The following CFAP97D2 variants were observed in gnomAD, a reference collection of about 807,000 sequenced individuals.
The protein encoded by CFAP97D2 is CFAP97 domain containing 2.
rs555380134 is a variant in CFAP97D2 at position 114,182,450 on chromosome 13, C to A, written c.90+3030C>A. ...CTTCCTCTATCTCAACTGCAAGAGG[C>A]CTTCCTCTTTTACTAATCCACCTCA... On this transcript the variant is annotated intron_variant, in intron 1 of 4. Transcript: ENST00000646158. 3.7e-3 allele frequency among the ~76,000 whole-genome samples: 567 copies of A among 151,994 alleles called. 6 individuals are homozygous for A. Among genetic ancestry groups the A allele is most frequent in the African/African-American group, 0.013 (525 of 41,402 alleles).
chr13:114,214,248 A>G (rs2080983912), intron 4 of CFAP97D2: 1 of 133,428 alleles, frequency 7.5e-6, no homozygotes, highest in Non-Finnish European at 1.5e-5. Context: ...TGCTTGCTGG[A>G]CATCTCTTAT....
chr13:114,209,566 T>TGGTCTAGAGGAAGGAA (rs1383979378), intron 3 of CFAP97D2, among the ~76,000 whole-genome samples: 12 of 152,222 alleles, frequency 7.9e-5, no homozygotes, highest in Admixed American at 1.3e-4. Flanking sequence ...AAGGTCCTGA[T>TGGTCTAGAGGAAGGAA]GGTCTAGAGG....
rs1294324916 is a variant in CFAP97D2 at position 114,217,170 on chromosome 13, G to C, written c.480+5069G>C. 2.6e-5 allele frequency among the ~76,000 whole-genome samples: 4 copies of C among 152,156 alleles called. No individual in the cohort carries two copies. In the East Asian group the frequency reaches 7.7e-4, roughly 29 times the overall value. On this transcript the variant is annotated intron_variant, in intron 4 of 4. Transcript: ENST00000646158. The stretch of plus-strand genomic sequence containing the variant: ...GAATAAAAGAGAGAAGAATCAAATA[G>C]ATGCAATAAAAAATGATAAAGGGGA...
Position 114,207,814 on chromosome 13 carries a change from C to A in CFAP97D2, c.291-4098C>A, listed in dbSNP as rs958574. On this transcript the variant is annotated intron_variant, in intron 3 of 4. Coordinates refer to ENST00000646158, the Ensembl canonical transcript of CFAP97D2. The surrounding 1 kb of genome is among the most constrained non-coding windows in gnomAD (Gnocchi z 4.9). ...GCCAACTAGACTTTGTCACCACCAC[C>A]ATTTTTTTCCCTAGAGAGGCTATGT... Among the ~76,000 whole-genome samples the A allele has an allele frequency of 0.21, 32,380 of 152,126 alleles. 4,396 individuals carry two copies. The highest frequency in any genetic ancestry group is 0.45 in the East Asian group (2,310 of 5,174).
At chr13:114,221,588 G>A (rs1214394372) in intron 4 of CFAP97D2, among the ~76,000 whole-genome samples, 1 of 152,204 alleles carries the variant, frequency 6.6e-6, no homozygotes, top group Non-Finnish European at 1.5e-5. Flanking sequence ...TCAAAAGGTA[G>A]ATTACAATAA....
At chr13:114,221,617 A>G (rs1594524764) in intron 4 of CFAP97D2, among the ~76,000 whole-genome samples, 2 of 152,166 alleles carry the variant, frequency 1.3e-5, no homozygotes, top group Admixed American at 1.3e-4. Flanking sequence ...AGAAACTGGA[A>G]CCCTCATAGG....
chr13:114,211,347 G>T lies in CFAP97D2; in HGVS notation c.291-565G>T, dbSNP rs1470366527. On this transcript the variant is annotated intron_variant, in intron 3 of 4. Transcript: ENST00000646158. This position sits in a 1 kb window ranked among gnomAD's most constrained non-coding sequence, Gnocchi z 4.2. ...CAGTCCAGCCCCAGCCTGTCCACAG[G>T]GGTCTTTCTCAAGTGCCTGCGGAGT... is the stretch of plus-strand genomic sequence containing the variant. Among the ~76,000 whole-genome samples, 1 of 152,130 alleles carries T rather than the reference G, an allele frequency of 6.6e-6. No individual in the cohort carries two copies. Among genetic ancestry groups the T allele is most frequent in the Non-Finnish European group, 1.5e-5 (1 of 68,034 alleles).
chr13:114,189,010 T>C lies in CFAP97D2; in HGVS notation c.91-7386T>C, dbSNP rs551575465. Among the ~76,000 whole-genome samples the C allele has an allele frequency of 1.3e-5, 2 of 149,376 alleles. No homozygotes were observed. The highest frequency in any genetic ancestry group is 3.9e-4 in the East Asian group (2 of 5,130). On this transcript the variant is annotated intron_variant, in intron 1 of 4. Coordinates refer to ENST00000646158, the Ensembl canonical transcript of CFAP97D2. The surrounding 1 kb of genome is among the most constrained non-coding windows in gnomAD (Gnocchi z 4.5). The stretch of plus-strand genomic sequence containing the variant: ...AGAAGGAGGAGGCAAATTACTAATA[T>C]TTTGCTATTATTAGTAATATTATTA...
rs765188805 is a variant in CFAP97D2, at chr13:114,211,814, C to T, written c.291-98C>T. 6.8e-5 allele frequency: 27 copies of T among 397,668 alleles called. No homozygotes were observed. The highest frequency in any genetic ancestry group is 1.2e-4 in the Non-Finnish European group (26 of 226,010). The allele number at this position is 397,668 out of a possible 1,614,324, so 24.6% of individuals were successfully genotyped here. On this transcript the variant is annotated intron_variant, in intron 3 of 4. Coordinates refer to ENST00000646158, the Ensembl canonical transcript of CFAP97D2. The surrounding 1 kb of genome is among the most constrained non-coding windows in gnomAD (Gnocchi z 4.2). Reference sequence around the variant, plus strand: ...TGGGAAGCAGGAGCAACCCTCCACCCCGGGACCCCTTCCTGCTCTGGAGCC... The same window carrying T: ...TGGGAAGCAGGAGCAACCCTCCACCTCGGGACCCCTTCCTGCTCTGGAGCC...
chr13:114,216,610 G>A (rs2080994473), intron 4 of CFAP97D2, among the ~76,000 whole-genome samples: 1 of 152,180 alleles, frequency 6.6e-6, no homozygotes, highest in South Asian at 2.1e-4. Flanking sequence ...TCCCTACAAA[G>A]GACATGAACT....
chr13:114,196,418 T>C (rs886719619), exon 2 of CFAP97D2: 11 of 399,594 alleles, frequency 2.8e-5, no homozygotes, highest in Non-Finnish European at 4.9e-5. Context: ...CAGCCGCTGG[T>C]AGACACCCGC....
chr13:114,213,207 C>G (rs776243404), intron 4 of CFAP97D2, among the ~76,000 whole-genome samples: 8 of 152,122 alleles, frequency 5.3e-5, no homozygotes, highest in Non-Finnish European at 1.0e-4. Context: ...AAAATCCAGC[C>G]CATCATAAGG....
chr13:114,182,421 T>A (rs947938539), intron 1 of CFAP97D2, among the ~76,000 whole-genome samples: 2 of 152,028 alleles, frequency 1.3e-5, no homozygotes, highest in African/African-American at 4.8e-5. Context: ...CAGGAGACAG[T>A]GGCCTTCCTC....
chr13:114,198,215 G>A (rs1036651825), intron 2 of CFAP97D2, among the ~76,000 whole-genome samples: 2 of 152,144 alleles, frequency 1.3e-5, no homozygotes, highest in African/African-American at 4.8e-5. Flanking sequence ...CTGATCTCCT[G>A]ACCTCGTGAA....
intron 1 of CFAP97D2, among the ~76,000 whole-genome samples, chr13:114,193,058 C>A (rs928158173): frequency 1.3e-5 from 2 of 152,028 alleles, no homozygotes; most frequent in African/African-American, 2.4e-5. Flanking sequence ...ATAGATAAAA[C>A]AAGGATGCCT....
chr13:114,212,202 C>T (rs1476877997), intron 4 of CFAP97D2: 3 of 397,116 alleles, frequency 7.6e-6, no homozygotes, highest in South Asian at 1.4e-4. Flanking sequence ...CATTCTTTGC[C>T]GTATTAGAGC....
chr13:114,182,330 A>G (rs1002797430), intron 1 of CFAP97D2, among the ~76,000 whole-genome samples: 1 of 152,080 alleles, frequency 6.6e-6, no homozygotes, highest in African/African-American at 2.4e-5. Context: ...CTCCCGCCAT[A>G]GGGCTGTTTT....
At chr13:114,204,773 G>A (rs1462779337) in intron 3 of CFAP97D2, among the ~76,000 whole-genome samples, 2 of 152,142 alleles carry the variant, frequency 1.3e-5, no homozygotes, top group African/African-American at 2.4e-5. Flanking sequence ...ATTTGGCAAT[G>A]GAGTCTAAGA....
intron 1 of CFAP97D2, among the ~76,000 whole-genome samples, chr13:114,188,434 G>A (rs1213736849): frequency 6.6e-6 from 1 of 152,026 alleles, no homozygotes. Flanking sequence ...GCATATATTA[G>A]AAAAGAAGAA....
Sources: gnomAD v4.1 joint callset for allele counts (sites outside exome capture counted in the v4.1 genomes callset) on GRCh38, gnomAD v4.1.1 for gene constraint, Gnocchi (gnomAD v3.1) non-coding constraint, MANE v1.5 for transcripts, NCBI Gene and HGNC (gene_info 2026-07-23, HGNC 2026-07-21) for gene names.